ASIC2: variants seen among roughly 807,000 people sequenced by gnomAD.
ASIC2 encodes acid sensing ion channel subunit 2.
A neutral mutation model predicts 57.3 loss-of-function variants in ASIC2; 25 were observed. That is an observed-to-expected ratio of 0.44 (90% confidence interval 0.32 to 0.61). The LOEUF (loss-of-function observed/expected upper bound fraction) is 0.61, where lower values mean the gene tolerates loss of function less well. Ranked by LOEUF, ASIC2 falls within the 20% of genes least tolerant of loss-of-function variation. The probability of loss-of-function intolerance (pLI) is 0.06; values close to 1 mark genes in which losing one functional copy is unlikely to be tolerated. For missense variants in ASIC2, 641 were observed against 738.1 expected, an observed-to-expected ratio of 0.87 and a Z score of 1.52; for synonymous variants, 319 against 307.5, an observed-to-expected ratio of 1.04 and a Z score of -0.39.
intron 1 of ASIC2, among the ~76,000 whole-genome samples, chr17:33,961,465 A>G (rs1488889461): frequency 2.6e-5 from 4 of 152,192 alleles, no homozygotes; most frequent in African/African-American, 7.2e-5. Context: ...TTGAGAGAGT[A>G]TCATGGGAAA....
intron 1 of ASIC2, among the ~76,000 whole-genome samples, chr17:34,085,296 CAT>C (rs1442529777): frequency 2.0e-5 from 3 of 152,150 alleles, no homozygotes; most frequent in African/African-American, 7.2e-5. Flanking sequence ...TTGAGATAAT[CAT>C]GTGGTTTTTG....
chr17:33,664,690 C>G (rs182826503), intron 1 of ASIC2, among the ~76,000 whole-genome samples: 1 of 152,270 alleles, frequency 6.6e-6, no homozygotes, highest in Admixed American at 6.5e-5. Flanking sequence ...GCAGAGCTCC[C>G]CCCTCTTCTT....
At chr17:33,603,631 G>C (rs1905160410) in intron 1 of ASIC2, among the ~76,000 whole-genome samples, 1 of 152,134 alleles carries the variant, frequency 6.6e-6, no homozygotes, top group Non-Finnish European at 1.5e-5. Context: ...GCTGGGGTTG[G>C]GTCAGAAAAG....
At chr17:34,040,249 G>A (rs1226941599) in intron 1 of ASIC2, among the ~76,000 whole-genome samples, 2 of 148,362 alleles carry the variant, frequency 1.3e-5, no homozygotes, top group Non-Finnish European at 3.0e-5. Flanking sequence ...CGGGTGCGGC[G>A]CGGAGGGCGG....
chr17:33,805,540 G>A (rs1912245213), intron 1 of ASIC2, among the ~76,000 whole-genome samples: 1 of 152,174 alleles, frequency 6.6e-6, no homozygotes, highest in Admixed American at 6.5e-5. Flanking sequence ...AATCCAATGA[G>A]TGTCAAAGTT....
intron 7 of ASIC2, among the ~76,000 whole-genome samples, chr17:33,018,380 G>A (rs2011259): frequency 0.29 from 44,262 of 152,082 alleles, 6,904 homozygotes; most frequent in Non-Finnish European, 0.35. Context: ...TTGGGGTCTG[G>A]ATGTCGGGAT....
chr17:33,612,073 A>C (rs1165952076), intron 1 of ASIC2, among the ~76,000 whole-genome samples: 1 of 152,216 alleles, frequency 6.6e-6, no homozygotes, highest in African/African-American at 2.4e-5. Context: ...AAAGGCAATG[A>C]AACAGAGAGA....
chr17:33,552,555 C>A (rs1303104461), intron 1 of ASIC2, among the ~76,000 whole-genome samples: 2 of 152,232 alleles, frequency 1.3e-5, no homozygotes, highest in Admixed American at 1.3e-4. Context: ...TCTGACATGA[C>A]TGCAGTTTCC....
At chr17:33,581,544 A>G (rs1904440621) in intron 1 of ASIC2, 1 of 152,224 alleles carries the variant, frequency 6.6e-6, no homozygotes, top group Admixed American at 6.5e-5. Context: ...GAAACATAGG[A>G]ACGAAGTAGG....
At chr17:33,350,842 A>G (rs1017300643) in intron 1 of ASIC2, among the ~76,000 whole-genome samples, 3 of 152,176 alleles carry the variant, frequency 2.0e-5, no homozygotes, top group Non-Finnish European at 2.9e-5. Context: ...AAAAAAGCCC[A>G]TTCATAGAAG....
At chr17:33,791,398 G>C (rs1911766776) in intron 1 of ASIC2, among the ~76,000 whole-genome samples, 1 of 152,182 alleles carries the variant, frequency 6.6e-6, no homozygotes, top group Non-Finnish European at 1.5e-5. Flanking sequence ...AATGCCACAT[G>C]GTATAGATTC....
intron 1 of ASIC2, among the ~76,000 whole-genome samples, chr17:33,500,609 T>C (rs187542016): frequency 1.5e-4 from 23 of 152,328 alleles, no homozygotes; most frequent in Admixed American, 1.4e-3. Context: ...CCCAGTTACG[T>C]AGCTTGACCT....
chr17:33,562,895 C>T (rs140693904), intron 1 of ASIC2, among the ~76,000 whole-genome samples: 52 of 152,316 alleles, frequency 3.4e-4, no homozygotes, highest in Non-Finnish European at 6.5e-4. Flanking sequence ...GCCTGAGTGT[C>T]ACCCTCTTGA....
At chr17:33,581,832 C>T (rs1342950285) in intron 1 of ASIC2, among the ~76,000 whole-genome samples, 1 of 152,184 alleles carries the variant, frequency 6.6e-6, no homozygotes, top group Non-Finnish European at 1.5e-5. Flanking sequence ...AGCCTTTGCT[C>T]CTTTGCTACT....
At position 33,292,592 on chromosome 17, in the gene ASIC2, T is replaced by C. The variant is rs1307506509; in HGVS notation, c.-477A>G. 2.0e-6 allele frequency: 2 copies of C among 985,626 alleles called. No homozygotes were observed. The highest frequency in any genetic ancestry group is 3.5e-5 in the African/African-American group (2 of 57,240). The allele number at this position is 985,626 out of a possible 1,614,324, so 61.1% of individuals were successfully genotyped here. ...GGCCACTCGGCCACCATGCCTGATC[T>C]GGACATCCCCAGGGACCCCACCAGC... On this transcript the variant is annotated 5_prime_UTR_variant, in exon 1 of 10. Coordinates refer to ENST00000225823, the MANE Select transcript of ASIC2 (RefSeq NM_183377.2).
intron 3 of ASIC2, among the ~76,000 whole-genome samples, chr17:33,059,391 G>C (rs920523251): frequency 6.6e-6 from 1 of 152,030 alleles, no homozygotes; most frequent in Admixed American, 6.5e-5. Flanking sequence ...TCCCACCTAT[G>C]AGTGAGAACA....
chr17:33,240,511 G>A (rs1322377854), intron 1 of ASIC2, among the ~76,000 whole-genome samples: 1 of 152,210 alleles, frequency 6.6e-6, no homozygotes, highest in Non-Finnish European at 1.5e-5. Context: ...TGGTCAGAAA[G>A]CAAATATTGG....
At chr17:33,663,045 A>T (rs762708850) in intron 1 of ASIC2, among the ~76,000 whole-genome samples, 35 of 152,300 alleles carry the variant, frequency 2.3e-4, no homozygotes, top group South Asian at 1.0e-3. Context: ...ACGCACTCGC[A>T]TGCGCCTGCA....
intron 1 of ASIC2, among the ~76,000 whole-genome samples, chr17:33,152,112 C>G (rs913099670): frequency 6.6e-6 from 1 of 152,130 alleles, no homozygotes; most frequent in South Asian, 2.1e-4. Flanking sequence ...GAAAACAATC[C>G]TGTGGAGTAG....
Sources: allele counts gnomAD v4.1 joint callset (sites outside exome capture counted in the v4.1 genomes callset), GRCh38; gene constraint gnomAD v4.1.1; transcripts MANE v1.5; gene names NCBI Gene and HGNC (gene_info 2026-07-23, HGNC 2026-07-21).